KALRN: variants seen among roughly 807,000 people sequenced by gnomAD.
KALRN encodes kalirin RhoGEF kinase.
KALRN carries 70 observed loss-of-function variants against 353.7 expected under a neutral mutation model. The ratio of observed to expected loss-of-function variants is 0.20; its 90% CI spans 0.16 to 0.24. KALRN has a LOEUF of 0.24. KALRN is among the 10% of genes least tolerant of loss of function. The pLI is 1.00. For missense variants in KALRN, 2,791 were observed against 3,756.7 expected (o/e 0.74, Z 6.72); for synonymous variants, 1,391 against 1,434.8 (o/e 0.97, Z 0.69).
At chr3:124,313,901 T>C (rs1444708004) in intron 6 of KALRN, among the ~76,000 whole-genome samples, 2 of 152,176 alleles carry the variant, frequency 1.3e-5, no homozygotes, top group African/African-American at 4.8e-5. Flanking sequence ...TTTGTGTTGC[T>C]ATAAGAGAAT....
At chr3:124,662,059 C>T (rs115575951) in intron 45 of KALRN, 131 bp downstream of exon 45, 51 of 735,664 alleles carry the variant, frequency 6.9e-5, no homozygotes, top group African/African-American at 4.2e-4. Flanking sequence ...CCTTCCTACC[C>T]GGGCCCCTCT....
intron 25 of KALRN, among the ~76,000 whole-genome samples, chr3:124,473,116 AT>A (rs1362073215): frequency 6.6e-6 from 1 of 152,234 alleles, no homozygotes; most frequent in East Asian, 1.9e-4. Context: ...TTGCACATAC[AT>A]ATTTTTAAGC....
chr3:124,209,683 G>C (rs2076738359), intron 1 of KALRN, among the ~76,000 whole-genome samples: 1 of 152,036 alleles, frequency 6.6e-6, no homozygotes, highest in Non-Finnish European at 1.5e-5. Context: ...CCTAGAACTT[G>C]AAAAGAAAGG....
At chr3:124,457,333 G>A (rs2059419149) in intron 23 of KALRN, among the ~76,000 whole-genome samples, 5 of 150,720 alleles carry the variant, frequency 3.3e-5, no homozygotes, top group Admixed American at 6.7e-5. Context: ...GCCTCCCAAA[G>A]TGCTGGGATT....
intron 1 of KALRN, among the ~76,000 whole-genome samples, chr3:124,203,721 T>C (rs921347704): frequency 2.0e-5 from 3 of 152,026 alleles, no homozygotes; most frequent in Non-Finnish European, 4.4e-5. Flanking sequence ...AATTCAGGAG[T>C]CTTCCCATTT....
chr3:124,475,830 C>T (rs1055688383), intron 26 of KALRN, among the ~76,000 whole-genome samples: 3 of 152,078 alleles, frequency 2.0e-5, no homozygotes, highest in African/African-American at 7.2e-5. Context: ...TTCAGAAAGT[C>T]TTAGCTACCA....
At chr3:124,423,017 G>A in intron 15 of KALRN, 39 bp downstream of exon 15, 1 of 1,602,016 alleles carries the variant, frequency 6.2e-7, no homozygotes, top group Non-Finnish European at 8.5e-7. Context: ...GGGTTTCTCA[G>A]CCAGCTGAGC....
chr3:124,111,119 C>T (rs1204585561), intron 1 of KALRN, among the ~76,000 whole-genome samples: 2 of 152,070 alleles, frequency 1.3e-5, no homozygotes, highest in Non-Finnish European at 2.9e-5. Context: ...AATGATTGTC[C>T]TCAGTGGGAA....
intron 9 of KALRN, among the ~76,000 whole-genome samples, chr3:124,338,770 T>G (rs2081385606): frequency 6.6e-6 from 1 of 152,098 alleles, no homozygotes; most frequent in South Asian, 2.1e-4. Flanking sequence ...TGTGGGAGTC[T>G]CTCTTTGTAG....
chr3:124,058,844 G>A (rs920591547), intron 1 of KALRN, among the ~76,000 whole-genome samples: 3 of 151,908 alleles, frequency 2.0e-5, no homozygotes, highest in Non-Finnish European at 2.9e-5. Context: ...TTATATATTT[G>A]TATATATTTT....
At chr3:124,210,727 C>T (rs1294859495) in intron 1 of KALRN, among the ~76,000 whole-genome samples, 2 of 152,190 alleles carry the variant, frequency 1.3e-5, no homozygotes, top group Non-Finnish European at 2.9e-5. Flanking sequence ...ATCCCACAAC[C>T]ATGACTCAGT....
chr3:124,720,606 A>G lies in KALRN; in HGVS notation c.*1136A>G, dbSNP rs2063335627. ...GTCCTTTTTAAAGCCATGGAACAAA[A>G]CCTGATACATCACCCTAACAGAGCA... is the stretch of plus-strand genomic sequence containing the variant. On this transcript the variant is annotated 3_prime_UTR_variant, in exon 60 of 60. Coordinates refer to ENST00000682506, the MANE Select transcript of KALRN (RefSeq NM_001388419.1). 6.6e-6 allele frequency: 1 copy of G among 152,618 alleles called. No individual in the cohort carries two copies. Among genetic ancestry groups the G allele is most frequent in the Non-Finnish European group, 1.5e-5 (1 of 68,036 alleles). The allele number at this position is 152,618 out of a possible 1,614,324, so 9.5% of individuals were successfully genotyped here. A position where few individuals can be genotyped will look rare whatever the true frequency, so the allele number is the denominator to read the frequency against.
intron 34 of KALRN, among the ~76,000 whole-genome samples, chr3:124,576,286 G>T (rs1474790798): frequency 1.3e-5 from 2 of 151,906 alleles, no homozygotes; most frequent in Non-Finnish European, 2.9e-5. Context: ...CAGGGATTTT[G>T]TCTACTGTGT....
intron 37 of KALRN, among the ~76,000 whole-genome samples, chr3:124,640,942 C>G (rs1442256685): frequency 1.3e-5 from 2 of 152,168 alleles, no homozygotes; most frequent in African/African-American, 2.4e-5. Context: ...TATTCTTGGA[C>G]TTTACTGAGT....
At chr3:124,303,871 G>C (rs1274408236) in intron 6 of KALRN, among the ~76,000 whole-genome samples, 2 of 152,056 alleles carry the variant, frequency 1.3e-5, no homozygotes, top group Non-Finnish European at 2.9e-5. Context: ...ACTACAGTGT[G>C]TTCTCTCTTT....
chr3:124,201,978 G>C (rs554520094), intron 1 of KALRN, among the ~76,000 whole-genome samples: 3 of 152,302 alleles, frequency 2.0e-5, no homozygotes, highest in Admixed American at 6.5e-5. Flanking sequence ...ATGGGGCCAG[G>C]CTGGGCCAGA....
intron 1 of KALRN, among the ~76,000 whole-genome samples, chr3:124,085,861 G>A (rs1315792846): frequency 6.6e-6 from 1 of 152,152 alleles, no homozygotes; most frequent in Non-Finnish European, 1.5e-5. Context: ...TATCCTACTA[G>A]AACTCTTCTA....
chr3:124,629,766 A>G (rs1296709801), intron 34 of KALRN, among the ~76,000 whole-genome samples: 2 of 150,780 alleles, frequency 1.3e-5, no homozygotes, highest in Non-Finnish European at 3.0e-5. Flanking sequence ...ATTTATCTTT[A>G]TTTTGCATGC....
At chr3:124,277,342 T>C (rs968734957) in intron 5 of KALRN, among the ~76,000 whole-genome samples, 1 of 152,118 alleles carries the variant, frequency 6.6e-6, no homozygotes, top group Non-Finnish European at 1.5e-5. Context: ...TCCCCTCTCC[T>C]ACTGAGACCT....
Sources: allele counts gnomAD v4.1 joint callset (sites outside exome capture counted in the v4.1 genomes callset), GRCh38; gene constraint gnomAD v4.1.1; transcripts MANE v1.5; gene names NCBI Gene and HGNC (gene_info 2026-07-23, HGNC 2026-07-21).